The following IQCB1 variants were observed in gnomAD, a reference collection of about 807,000 sequenced individuals.
The protein encoded by IQCB1 is IQ motif containing B1.
A neutral mutation model predicts 84.4 loss-of-function variants in IQCB1; 56 were observed. That is an observed-to-expected ratio of 0.66 (90% CI 0.54 to 0.83). IQCB1 has a LOEUF of 0.83. IQCB1 is among the 40% of genes least tolerant of loss of function. The pLI, the probability that IQCB1 is intolerant of heterozygous loss-of-function variation, is 0.00. For missense variants in IQCB1, 629 were observed against 682.1 expected (o/e 0.92, Z 0.87); for synonymous variants, 210 against 234.8 (o/e 0.89, Z 0.96).
intron 11 of IQCB1, among the ~76,000 whole-genome samples, chr3:121,788,913 T>C (rs576029311): frequency 5.3e-5 from 8 of 152,224 alleles, no homozygotes; most frequent in African/African-American, 1.7e-4. Context: ...TGTGACAGAA[T>C]AAGGCAGTAG....
intron 8 of IQCB1, among the ~76,000 whole-genome samples, chr3:121,798,163 T>TA (rs1949273519): frequency 6.6e-6 from 1 of 151,956 alleles, no homozygotes; most frequent in Non-Finnish European, 1.5e-5. Context: ...CAATATCAAC[T>TA]AAAGAGCTCT....
At chr3:121,832,114 T>C (rs981507266) in intron 2 of IQCB1, among the ~76,000 whole-genome samples, 1 of 152,182 alleles carries the variant, frequency 6.6e-6, no homozygotes, top group African/African-American at 2.4e-5. Context: ...TTATTAGGGA[T>C]GTCAGGCACA....
In IQCB1 at chr3:121,788,451, C is replaced by T; in HGVS notation, c.1130-19G>A. On this transcript the variant is annotated intron_variant, in intron 11 of 14. Transcript: ENST00000310864. ...ACCTGACCTAAAAAGATGATAGACA[C>T]TATTACAACATACTCACTGCCATGC... 1 of 1,608,452 alleles carries T rather than the reference C, an allele frequency of 6.2e-7. No individual in the cohort carries two copies. The highest frequency in any genetic ancestry group is 8.5e-7 in the Non-Finnish European group (1 of 1,175,300).
At chr3:121,822,919 A>C (rs1950325770) in intron 5 of IQCB1, among the ~76,000 whole-genome samples, 1 of 152,216 alleles carries the variant, frequency 6.6e-6, no homozygotes, top group South Asian at 2.1e-4. Context: ...AGATGTGAAG[A>C]AGCAGAAAAA....
intron 7 of IQCB1, among the ~76,000 whole-genome samples, chr3:121,803,733 T>C (rs894278473): frequency 1.3e-5 from 2 of 152,186 alleles, no homozygotes; most frequent in South Asian, 4.1e-4. Context: ...CTTTGTTCTG[T>C]AACTTACTTT....
chr3:121,815,282 T>A (rs1950009036), intron 5 of IQCB1, among the ~76,000 whole-genome samples: 1 of 152,162 alleles, frequency 6.6e-6, no homozygotes. Flanking sequence ...TAACTATTTA[T>A]GAGAAACCCA....
chr3:121,801,808 GC>G (rs1949417752), intron 7 of IQCB1, among the ~76,000 whole-genome samples: 1 of 69,940 alleles, frequency 1.4e-5, no homozygotes, highest in Non-Finnish European at 2.6e-5. Flanking sequence ...TTGCTGCAAG[GC>G]CTTTTTTTTT....
At chr3:121,779,930 G>C (rs564615647) in intron 13 of IQCB1, among the ~76,000 whole-genome samples, 1 of 152,146 alleles carries the variant, frequency 6.6e-6, no homozygotes, top group Non-Finnish European at 1.5e-5. Flanking sequence ...TATTTGATGG[G>C]AACAGATACT....
chr3:121,787,642 T>G (rs888928671), intron 12 of IQCB1, among the ~76,000 whole-genome samples: 1 of 151,720 alleles, frequency 6.6e-6, no homozygotes, highest in Non-Finnish European at 1.5e-5. Context: ...TCCCAGCTAC[T>G]CGGGAGGCTG....
chr3:121,784,954 C>G (rs1948647742), intron 12 of IQCB1, among the ~76,000 whole-genome samples: 1 of 152,152 alleles, frequency 6.6e-6, no homozygotes, highest in Non-Finnish European at 1.5e-5. Flanking sequence ...GATTTACAAG[C>G]ATGAGTCACC....
intron 5 of IQCB1, among the ~76,000 whole-genome samples, chr3:121,821,005 T>A (rs879525765): frequency 3.3e-5 from 5 of 151,924 alleles, no homozygotes; most frequent in Non-Finnish European, 5.9e-5. Flanking sequence ...TCTTTTTTTT[T>A]AAAGAGATAG....
At position 121,828,325 on chromosome 3, in the gene IQCB1, C is replaced by T. The variant is rs903924400; in HGVS notation, c.263+145G>A. The T allele has an allele frequency of 7.0e-4, 478 of 682,486 alleles. 1 individual carries two copies. The highest frequency in any genetic ancestry group is 2.8e-4 in the Non-Finnish European group (106 of 382,936). 42.3% of individuals were successfully genotyped at this position (682,486 alleles called of 1,614,324 possible). ...TCTGAAGTAAAATTATGAATAATAA[C>T]ATATAATATGAAGGAAAAGTACAAC... On this transcript the variant is annotated intron_variant, in intron 4 of 14. Transcript: ENST00000310864.
intron 5 of IQCB1, among the ~76,000 whole-genome samples, chr3:121,820,619 T>TA (rs1950236975): frequency 6.6e-6 from 1 of 152,190 alleles, no homozygotes. Context: ...TCAAAGGGAT[T>TA]GCATCCTTTT....
At chr3:121,771,431 C>G (rs892790036) in intron 14 of IQCB1, among the ~76,000 whole-genome samples, 2 of 151,804 alleles carry the variant, frequency 1.3e-5, no homozygotes, top group African/African-American at 4.8e-5. Context: ...CGGGTTCAAG[C>G]AATTCTCCTG....
chr3:121,799,562 C>A (rs1206057109), intron 7 of IQCB1, among the ~76,000 whole-genome samples, 188 bp from the exon 8 acceptor site: 1 of 151,768 alleles, frequency 6.6e-6, no homozygotes, highest in African/African-American at 2.4e-5. Context: ...TTATTGAATT[C>A]CTACTGTGTG....
chr3:121,784,483 TC>T (rs1170951003), intron 12 of IQCB1, among the ~76,000 whole-genome samples: 1 of 152,214 alleles, frequency 6.6e-6, no homozygotes, highest in Non-Finnish European at 1.5e-5. Context: ...ATATTACCTT[TC>T]CTTATCTCTC....
intron 5 of IQCB1, among the ~76,000 whole-genome samples, chr3:121,823,583 T>A (rs530076856): frequency 6.6e-6 from 1 of 151,742 alleles, no homozygotes; most frequent in Non-Finnish European, 1.5e-5. Context: ...GGAAAAAAAA[T>A]TGATGAAGTA....
At chr3:121,815,611 T>C (rs374098828) in intron 5 of IQCB1, among the ~76,000 whole-genome samples, 7 of 152,188 alleles carry the variant, frequency 4.6e-5, no homozygotes, top group African/African-American at 1.7e-4. Flanking sequence ...TATACACCAA[T>C]GATAGACAAA....
intron 5 of IQCB1, among the ~76,000 whole-genome samples, chr3:121,811,405 C>G (rs1949824813): frequency 6.6e-6 from 1 of 152,136 alleles, no homozygotes; most frequent in Non-Finnish European, 1.5e-5. Flanking sequence ...GGCTAAAACC[C>G]CAGCAAGACA....
Sources: allele counts gnomAD v4.1 joint callset (sites outside exome capture counted in the v4.1 genomes callset), GRCh38; gene constraint gnomAD v4.1.1; transcripts MANE v1.5; gene names NCBI Gene and HGNC (gene_info 2026-07-23, HGNC 2026-07-21).